The following MYH9 variants were observed in gnomAD, a reference collection of about 807,000 sequenced individuals.
MYH9 encodes myosin-9.
Under a neutral mutation model 241.9 loss-of-function variants are expected in MYH9, and 29 were observed. The observed-to-expected ratio is 0.12, with a 90% CI of 0.09 to 0.16. The LOEUF is 0.16. MYH9 is among the 10% of genes least tolerant of loss of function. The pLI is 1.00. For synonymous variants in MYH9, 1,047 were observed against 1,062.6 expected (o/e 0.99, Z 0.29); for missense variants, 1,803 against 2,595.5 (o/e 0.69, Z 6.63).
rs2016740527 is a variant in MYH9, at chr22:36,293,571, G to A, written c.3943-90C>T. ...CACCCTTGAGGAGAGGGAGGAGCTGGTCCTGCTGATTTAGGGGATGGCCAC... is the reference window on the plus strand; with the variant it reads ...CACCCTTGAGGAGAGGGAGGAGCTGATCCTGCTGATTTAGGGGATGGCCAC... On this transcript the variant is annotated intron_variant, in intron 29 of 40. Transcript: ENST00000216181. The surrounding 1 kb of genome is among the most constrained non-coding windows in gnomAD (Gnocchi z 5.1). The A allele has an allele frequency of 6.4e-7, 1 of 1,566,446 alleles. No homozygotes were observed. The highest frequency in any genetic ancestry group is 2.2e-5 in the East Asian group (1 of 44,616).
rs564440642 is a variant in MYH9, at chr22:36,305,493, G to A, written c.2160-391C>T. On this transcript the variant is annotated intron_variant, in intron 17 of 40. Coordinates refer to ENST00000216181, the MANE Select transcript of MYH9 (RefSeq NM_002473.6). The surrounding 1 kb of genome is among the most constrained non-coding windows in gnomAD (Gnocchi z 4.7). Reference sequence around the variant, plus strand: ...GATGGCCCAAGAAATAAAGGGCTGCGTCCCGACAGCAACTGACACTCAGCA... The same window carrying A: ...GATGGCCCAAGAAATAAAGGGCTGCATCCCGACAGCAACTGACACTCAGCA... Among the ~76,000 whole-genome samples the A allele has an allele frequency of 2.0e-5, 3 of 152,250 alleles. No individual in the cohort carries two copies. Among genetic ancestry groups the A allele is most frequent in the East Asian group, 1.9e-4 (1 of 5,180 alleles).
intron 1 of MYH9, among the ~76,000 whole-genome samples, chr22:36,355,636 A>G (rs1249380169): frequency 1.3e-5 from 2 of 152,180 alleles, no homozygotes; most frequent in African/African-American, 4.8e-5. Context: ...CCTGCTAGGA[A>G]GCGCTGCATG....
At chr22:36,368,303 G>A (rs983782377) in intron 1 of MYH9, among the ~76,000 whole-genome samples, 1 of 152,194 alleles carries the variant, frequency 6.6e-6, no homozygotes, top group Admixed American at 6.5e-5. Flanking sequence ...GTGGTATCCC[G>A]TTTTGCAGAT....
At position 36,282,547 on chromosome 22, in the gene MYH9, G is replaced by A; in HGVS notation, c.*121C>T. ...AACGGGATGGGGGGACGGGGCGGAG[G>A]GCAGGAGGAGGCATGTTCACAGCAG... On this transcript the variant is annotated 3_prime_UTR_variant, in exon 41 of 41. Coordinates refer to ENST00000216181, the MANE Select transcript of MYH9 (RefSeq NM_002473.6). 1.1e-6 allele frequency: 1 copy of A among 939,882 alleles called. No individual in the cohort carries two copies. The highest frequency in any genetic ancestry group is 1.7e-6 in the Non-Finnish European group (1 of 576,392). 58.2% of individuals were successfully genotyped at this position (939,882 alleles called of 1,614,324 possible). A position where few individuals can be genotyped will look rare whatever the true frequency, so the allele number is the denominator to read the frequency against.
chr22:36,302,315 G>T (rs572057569), intron 20 of MYH9: 161 of 435,616 alleles, frequency 3.7e-4, no homozygotes, highest in South Asian at 3.5e-3. Context: ...AGGCCAGGAA[G>T]GTCAGCCTGG....
chr22:36,335,863 C>G (rs1028703304), intron 3 of MYH9, among the ~76,000 whole-genome samples: 1 of 152,248 alleles, frequency 6.6e-6, no homozygotes, highest in African/African-American at 2.4e-5. Context: ...TTATCTGTGC[C>G]TGCCTCTTTA....
chr22:36,287,764 T>C (rs997384132), intron 34 of MYH9, among the ~76,000 whole-genome samples: 12 of 152,308 alleles, frequency 7.9e-5, no homozygotes, highest in African/African-American at 2.9e-4. Flanking sequence ...AAAAAAAAAT[T>C]TGTTAAACTA....
chr22:36,329,909 A>G lies in MYH9; in HGVS notation c.491-2421T>C, dbSNP rs2017396130. On this transcript the variant is annotated intron_variant, in intron 3 of 40. Transcript: ENST00000216181. This position sits in a 1 kb window ranked among gnomAD's most constrained non-coding sequence, Gnocchi z 4.1. The stretch of plus-strand genomic sequence containing the variant: ...CACACACGTGTGCAAAGCCATATAC[A>G]TAGATCCACACAAGGCACACAGCTG... Among the ~76,000 whole-genome samples, 1 of 152,164 alleles carries G rather than the reference A, an allele frequency of 6.6e-6. No homozygotes were observed. The highest frequency in any genetic ancestry group is 1.5e-5 in the Non-Finnish European group (1 of 68,024).
intron 1 of MYH9, among the ~76,000 whole-genome samples, chr22:36,377,705 G>C (rs2018192218): frequency 1.3e-5 from 2 of 151,382 alleles, no homozygotes; most frequent in Non-Finnish European, 2.9e-5. Context: ...GTCAGGAGAT[G>C]GAGACCATCC....
rs150838777 is a variant in MYH9, at chr22:36,294,829, G to A, written c.3630+103C>T. 3,669 of 1,529,822 alleles carry A rather than the reference G, an allele frequency of 2.4e-3. 126 individuals are homozygous for A. The Admixed American group carries it at 0.059, about 25-fold the overall frequency. 94.8% of individuals were successfully genotyped at this position (1,529,822 alleles called of 1,614,324 possible). ...GGGAGCCTGGCCTCAGAACCAGGCA[G>A]TTGGGTAGAACCCTGCAACTGCTCT... On this transcript the variant is annotated intron_variant, in intron 27 of 40. Transcript: ENST00000216181.
chr22:36,313,192 G>A lies in MYH9; in HGVS notation c.1554+953C>T, dbSNP rs149177091. Among the ~76,000 whole-genome samples the A allele has an allele frequency of 3.9e-4, 59 of 151,538 alleles. 1 individual carries two copies. Among genetic ancestry groups the A allele is most frequent in the African/African-American group, 1.3e-3 (54 of 41,318 alleles). On this transcript the variant is annotated intron_variant, in intron 13 of 40. Coordinates refer to ENST00000216181, the MANE Select transcript of MYH9 (RefSeq NM_002473.6). ...GAAAACCCAGAGACAGGCCAGGCGCGGTGGCTCACACCTGTAATCCCAGTA... is the reference window on the plus strand; with the variant it reads ...GAAAACCCAGAGACAGGCCAGGCGCAGTGGCTCACACCTGTAATCCCAGTA...
At chr22:36,309,448 C>T in intron 14 of MYH9, 52 bp from the exon 15 acceptor site, 1 of 1,356,476 alleles carries the variant, frequency 7.4e-7, no homozygotes, top group Non-Finnish European at 1.1e-6. Flanking sequence ...GACATGTGTG[C>T]TCACAGGGTC....
chr22:36,316,363 A>G, intron 12 of MYH9, 154 bp downstream of exon 12: 2 of 1,153,414 alleles, frequency 1.7e-6, no homozygotes, highest in Non-Finnish European at 2.5e-6. Context: ...AAGAAAAAAA[A>G]AAAAACAACC....
chr22:36,303,910 C>A, intron 19 of MYH9, 85 bp downstream of exon 19: 1 of 1,512,752 alleles, frequency 6.6e-7, no homozygotes. Context: ...CTGGCTGCAG[C>A]GGGGTGGCCT....
chr22:36,301,402 G>A (rs1010939777), intron 21 of MYH9, 132 bp downstream of exon 21: 5 of 1,242,320 alleles, frequency 4.0e-6, no homozygotes, highest in Admixed American at 1.9e-5. Context: ...ACTGTTTACA[G>A]TAATAGGAAA....
rs2016851358 is a variant in MYH9, at chr22:36,300,091, C to T, written c.2976+36G>A. 6.2e-7 allele frequency: 1 copy of T among 1,606,040 alleles called. No homozygotes were observed. Among genetic ancestry groups the T allele is most frequent in the Non-Finnish European group, 8.5e-7 (1 of 1,179,924 alleles). ...ACCACACTCTCCCATCCACGGCGCCCCTGGAGCAGCGGCAGGCGACAGCCA... is the reference window on the plus strand; with the variant it reads ...ACCACACTCTCCCATCCACGGCGCCTCTGGAGCAGCGGCAGGCGACAGCCA... On this transcript the variant is annotated intron_variant, in intron 23 of 40. Coordinates refer to ENST00000216181, the MANE Select transcript of MYH9 (RefSeq NM_002473.6). The surrounding 1 kb of genome is among the most constrained non-coding windows in gnomAD (Gnocchi z 5.0).
intron 15 of MYH9, among the ~76,000 whole-genome samples, chr22:36,308,211 C>T (rs543493110): frequency 2.6e-5 from 4 of 152,158 alleles, no homozygotes; most frequent in Non-Finnish European, 4.4e-5. Context: ...AAGACGCTGT[C>T]TTTAGGCATG....
rs727505086 is a variant in MYH9, at chr22:36,284,524, C to T, written c.5484-13G>A. On this transcript the variant is annotated splice_polypyrimidine_tract_variant and intron_variant, in intron 38 of 40. Transcript: ENST00000216181. The stretch of plus-strand genomic sequence containing the variant: ...TGCCTGGCGCTCCCTGCATGACAGA[C>T]AAGGTGGCTCAGAGGGAACACCCTC... The T allele has an allele frequency of 6.2e-7, 1 of 1,610,948 alleles. No homozygotes were observed.
chr22:36,289,898 T>C (rs2016657268), intron 31 of MYH9, among the ~76,000 whole-genome samples: 1 of 152,108 alleles, frequency 6.6e-6, no homozygotes, highest in African/African-American at 2.4e-5. Flanking sequence ...TCTGCAGCAA[T>C]GGCTCAACCC....
Sources: allele counts gnomAD v4.1 joint callset (sites outside exome capture counted in the v4.1 genomes callset), GRCh38; gene constraint gnomAD v4.1.1; non-coding constraint Gnocchi (gnomAD v3.1); transcripts MANE v1.5; gene names NCBI Gene and HGNC (gene_info 2026-07-23, HGNC 2026-07-21).